Variants in ADARB2 observed in about 807,000 individuals in gnomAD.
ADARB2 encodes the protein inactive double-stranded RNA-specific editase B2.
In ADARB2, 25 loss-of-function variants were observed where a neutral mutation model predicts 62.2. The observed-to-expected ratio is 0.40, with a 90% CI of 0.29 to 0.56. ADARB2 has a LOEUF of 0.56. Among genes scored for constraint, ADARB2 ranks in the 20% least tolerant of loss-of-function variants. ADARB2 has a pLI of 0.43. For synonymous variants in ADARB2, 572 were observed against 500.8 expected, an observed-to-expected ratio of 1.14 and a Z score of -1.90; for missense variants, 1,071 against 1,077.4, an observed-to-expected ratio of 0.99 and a Z score of 0.08.
chr10:1,663,337 G>A (rs754287042), intron 1 of ADARB2, among the ~76,000 whole-genome samples: 1 of 152,092 alleles, frequency 6.6e-6, no homozygotes, highest in Non-Finnish European at 1.5e-5. Context: ...TGCGTGGTGC[G>A]GCTCTGAGAA....
At chr10:1,512,066 C>T (rs1465573199) in intron 1 of ADARB2, among the ~76,000 whole-genome samples, 1 of 151,274 alleles carries the variant, frequency 6.6e-6, no homozygotes, top group Non-Finnish European at 1.5e-5. Context: ...GCTGTCTACA[C>T]TGTATACCAA....
Position 1,270,995 on chromosome 10 carries a change from G to A in ADARB2, c.1152C>T (p.His384=), listed in dbSNP as rs759916793. 21 of 1,613,082 alleles carry A rather than the reference G, an allele frequency of 1.3e-5. No individual in the cohort carries two copies. Among genetic ancestry groups the A allele is most frequent in the East Asian group, 6.7e-5 (3 of 44,836 alleles). The change falls in exon 4 of 10, where the codon CAC becomes CAT. Residue 384 remains histidine (H), a synonymous_variant. Transcript: ENST00000381312. The part of the protein sequence containing the change: ...REVTTDLTPM[H]ARHKALAGIV... ...TTCCTGCCAGCGCTTTATGGCGGGC[G>A]TGCATGGGCGTGAGGTCCGTCGTCA...
chr10:1,641,774 A>G (rs893675798), intron 1 of ADARB2, among the ~76,000 whole-genome samples: 8 of 152,212 alleles, frequency 5.3e-5, no homozygotes, highest in African/African-American at 1.7e-4. Context: ...GCACTTTAGG[A>G]GGCCAAGGTG....
chr10:1,235,197 T>TTG (rs1299783618), intron 5 of ADARB2, among the ~76,000 whole-genome samples: 1 of 147,100 alleles, frequency 6.8e-6, no homozygotes. Flanking sequence ...AGTGGGCAGC[T>TTG]TGTGTGTGAT....
intron 1 of ADARB2, among the ~76,000 whole-genome samples, chr10:1,682,206 A>T (rs1044823433): frequency 6.6e-6 from 1 of 152,210 alleles, no homozygotes; most frequent in Admixed American, 6.5e-5. Context: ...ATGGAGGAAT[A>T]AGAGAGCACT....
At chr10:1,453,111 C>T (rs895959824) in intron 1 of ADARB2, among the ~76,000 whole-genome samples, 5 of 152,176 alleles carry the variant, frequency 3.3e-5, no homozygotes, top group African/African-American at 1.2e-4. Flanking sequence ...CACATCCTCT[C>T]TTCCCTCCCC....
intron 1 of ADARB2, among the ~76,000 whole-genome samples, chr10:1,471,160 T>G: frequency 6.6e-6 from 1 of 152,206 alleles, no homozygotes. Flanking sequence ...CTCAAAAGAA[T>G]GGAAACTCAC....
At chr10:1,619,771 A>G (rs1050992997) in intron 1 of ADARB2, among the ~76,000 whole-genome samples, 2 of 152,218 alleles carry the variant, frequency 1.3e-5, no homozygotes, top group African/African-American at 4.8e-5. Flanking sequence ...TTTAAGGACA[A>G]GAAACATTTT....
At chr10:1,464,878 C>T (rs1298742638) in intron 1 of ADARB2, among the ~76,000 whole-genome samples, 1 of 152,260 alleles carries the variant, frequency 6.6e-6, no homozygotes, top group African/African-American at 2.4e-5. Context: ...GCGGAGGCCC[C>T]GGTGACACCA....
chr10:1,598,474 C>T (rs1042993297), intron 1 of ADARB2, among the ~76,000 whole-genome samples: 3 of 152,234 alleles, frequency 2.0e-5, no homozygotes, highest in Non-Finnish European at 2.9e-5. Flanking sequence ...AAGTCCCCAC[C>T]ACCCAGCCTT....
intron 4 of ADARB2, 36 bp from the exon 5 acceptor site, chr10:1,242,335 A>ACGG (rs1830933829): frequency 1.3e-6 from 2 of 1,510,532 alleles, no homozygotes; most frequent in Admixed American, 4.0e-5. Flanking sequence ...AGCGTGGCCC[A>ACGG]CGGCCCCCGT....
intron 5 of ADARB2, among the ~76,000 whole-genome samples, chr10:1,240,717 C>A (rs1168846933): frequency 2.0e-5 from 3 of 152,194 alleles, no homozygotes; most frequent in African/African-American, 7.2e-5. Context: ...TCTGTGGACC[C>A]CCCCAGCTGG....
intron 4 of ADARB2, among the ~76,000 whole-genome samples, chr10:1,265,368 C>T (rs1048586968): frequency 1.3e-5 from 2 of 152,268 alleles, no homozygotes; most frequent in Admixed American, 6.5e-5. Flanking sequence ...CTAAATAAAG[C>T]GGTGCCCTGA....
chr10:1,492,056 T>C (rs1263029381), intron 1 of ADARB2, among the ~76,000 whole-genome samples: 1 of 152,236 alleles, frequency 6.6e-6, no homozygotes, highest in Non-Finnish European at 1.5e-5. Context: ...CTATAACTCT[T>C]CATTGAGTTT....
intron 1 of ADARB2, among the ~76,000 whole-genome samples, chr10:1,464,505 A>G (rs1831224355): frequency 1.0e-5 from 1 of 96,320 alleles, no homozygotes; most frequent in African/African-American, 3.5e-5. Flanking sequence ...CACAGCAGGC[A>G]GCGCGCCGGA....
intron 1 of ADARB2, among the ~76,000 whole-genome samples, chr10:1,446,027 G>A (rs1190790682): frequency 6.6e-6 from 1 of 151,286 alleles, no homozygotes; most frequent in Non-Finnish European, 1.5e-5. Flanking sequence ...CCTAGAGTAA[G>A]GTTCTATCTT....
At chr10:1,534,543 C>T (rs7082213) in intron 1 of ADARB2, 8,993 of 152,370 alleles carry the variant, frequency 0.059, 849 homozygotes, top group African/African-American at 0.2. Context: ...TGCTTAATTC[C>T]GCCATTACTT....
chr10:1,279,483 T>C (rs1239201333), intron 3 of ADARB2, among the ~76,000 whole-genome samples: 2 of 152,164 alleles, frequency 1.3e-5, no homozygotes, highest in African/African-American at 4.8e-5. Context: ...ACCTGGCTAA[T>C]TTTTCAGTAT....
chr10:1,499,336 CCATT>C (rs554426625), intron 1 of ADARB2, among the ~76,000 whole-genome samples: 305 of 152,002 alleles, frequency 2.0e-3, no homozygotes, highest in African/African-American at 7.2e-3. Context: ...ACTGAATTAA[CCATT>C]CAGTCATTAC....
Sources: gnomAD v4.1 joint callset for allele counts (sites outside exome capture counted in the v4.1 genomes callset) on GRCh38, gnomAD v4.1.1 for gene constraint, MANE v1.5 for transcripts, NCBI Gene and HGNC (gene_info 2026-07-23, HGNC 2026-07-21) for gene names.